Variants in CEP85L observed in about 807,000 individuals in gnomAD.
CEP85L encodes the protein centrosomal protein 85L, also known as centrosomal protein of 85 kDa-like.
Under a neutral mutation model 100.3 loss-of-function variants are expected in CEP85L, and 60 were observed. The ratio of observed to expected loss-of-function variants is 0.60; its 90% CI spans 0.49 to 0.74. CEP85L has a LOEUF of 0.74. Among genes scored for constraint, CEP85L ranks in the 30% least tolerant of loss-of-function variants. The probability of loss-of-function intolerance (pLI) is 0.00; values close to 1 mark genes in which losing one functional copy is unlikely to be tolerated. For missense variants in CEP85L, 973 were observed against 936.2 expected, an observed-to-expected ratio of 1.04 and a Z score of -0.51; for synonymous variants, 319 against 322.7, an observed-to-expected ratio of 0.99 and a Z score of 0.12.
At chr6:118,707,790 A>G (rs1278043454) in intron 1 of CEP85L, among the ~76,000 whole-genome samples, 1 of 152,206 alleles carries the variant, frequency 6.6e-6, no homozygotes, top group Non-Finnish European at 1.5e-5. Context: ...GTAAAACCTT[A>G]ATTCACGGAA....
intron 2 of CEP85L, among the ~76,000 whole-genome samples, chr6:118,592,716 C>T (rs1254924813): frequency 6.6e-6 from 1 of 152,070 alleles, no homozygotes; most frequent in Middle Eastern, 3.4e-3. Flanking sequence ...TTTATGCAAA[C>T]CTCTTATCAT....
intron 1 of CEP85L, among the ~76,000 whole-genome samples, chr6:118,663,568 T>A (rs60500545): frequency 0.029 from 4,425 of 152,266 alleles, 105 homozygotes; most frequent in African/African-American, 0.056. Flanking sequence ...AGAAACAGCC[T>A]AAAGTAATGA....
intron 6 of CEP85L, among the ~76,000 whole-genome samples, chr6:118,488,132 A>G (rs1774312494): frequency 6.6e-6 from 1 of 152,282 alleles, no homozygotes; most frequent in East Asian, 1.9e-4. Flanking sequence ...GCTATTTTAT[A>G]TAATATACAA....
intron 5 of CEP85L, among the ~76,000 whole-genome samples, chr6:118,510,639 C>T (rs1239907230): frequency 6.6e-6 from 1 of 152,108 alleles, no homozygotes; most frequent in Admixed American, 6.5e-5. Flanking sequence ...TTATACACTG[C>T]TCTCCTAAAG....
rs138480950 is a variant in CEP85L, at chr6:118,544,168, A to C, written c.1021-20248T>G. Among the ~76,000 whole-genome samples the C allele has an allele frequency of 6.8e-3, 1,040 of 152,338 alleles. 8 individuals are homozygous for C. The highest frequency in any genetic ancestry group is 0.01 in the Non-Finnish European group (695 of 68,030). ...GTCTGGAGAAATACTACAATCATTA[A>C]ATTGAAATAGAACCTTCTTAACAAT... is the stretch of plus-strand genomic sequence containing the variant. On this transcript the variant is annotated intron_variant, in intron 3 of 12. Coordinates refer to ENST00000368491, the MANE Select transcript of CEP85L (RefSeq NM_001042475.3).
At chr6:118,709,556 T>TGTGTGTGTGTGAGAGA (rs751698371) in intron 1 of CEP85L, among the ~76,000 whole-genome samples, 5 of 142,322 alleles carry the variant, frequency 3.5e-5, no homozygotes, top group African/African-American at 1.1e-4. Context: ...TGTGTGTGTG[T>TGTGTGTGTGTGAGAGA]GAGAGAGAGA....
In CEP85L at chr6:118,565,594, T is replaced by A. The variant is rs1177860955; in HGVS notation, c.955A>T (p.Ser319Cys). ...TGCTGCTGTTGCCAAGGAGCTAAAC[T>A]GTAAGAATCCTCTGTATTTCTACCT... ...LEGRNTEDSYSLAPWQQQQIE... is the reference protein window; with the variant it reads ...LEGRNTEDSYCLAPWQQQQIE... The change falls in exon 3 of 13, where the codon AGT becomes TGT. Residue 319 changes from serine to cysteine, a missense_variant. By Grantham distance (112) the Ser-to-Cys change is moderately radical. Coordinates refer to ENST00000368491, the MANE Select transcript of CEP85L (RefSeq NM_001042475.3). 6.2e-7 allele frequency: 1 copy of A among 1,614,194 alleles called. No homozygotes were observed.
intron 2 of CEP85L, among the ~76,000 whole-genome samples, chr6:118,592,047 T>C (rs1242448152): frequency 3.9e-5 from 6 of 152,188 alleles, no homozygotes; most frequent in Admixed American, 2.6e-4. Context: ...CCTGCTACCA[T>C]CTATAAATAA....
intron 1 of CEP85L, among the ~76,000 whole-genome samples, chr6:118,633,110 T>C (rs905428343): frequency 3.9e-5 from 6 of 152,238 alleles, no homozygotes; most frequent in African/African-American, 1.4e-4. Context: ...TCACTTAAAA[T>C]TTTTAAATTT....
intron 2 of CEP85L, among the ~76,000 whole-genome samples, chr6:118,574,974 T>TG (rs778561796): frequency 4.0e-5 from 6 of 150,856 alleles, no homozygotes; most frequent in Non-Finnish European, 5.9e-5. Context: ...TCCAGTTGGT[T>TG]GGGGGGCGGG....
intron 2 of CEP85L, among the ~76,000 whole-genome samples, chr6:118,618,468 A>G (rs1773218129): frequency 6.6e-6 from 1 of 152,148 alleles, no homozygotes; most frequent in Non-Finnish European, 1.5e-5. Flanking sequence ...TGTAATTTTC[A>G]TGTGGATGGT....
At chr6:118,588,341 G>A (rs1780984419) in intron 2 of CEP85L, among the ~76,000 whole-genome samples, 1 of 152,130 alleles carries the variant, frequency 6.6e-6, no homozygotes, top group African/African-American at 2.4e-5. Flanking sequence ...ATGCAATGAG[G>A]ATGGAAGGCA....
upstream of CEP85L, among the ~76,000 whole-genome samples, chr6:118,654,820 A>G (rs745523131): frequency 6.6e-6 from 1 of 152,242 alleles, no homozygotes; most frequent in South Asian, 2.1e-4. Context: ...TCTTTGTAAA[A>G]TAGTTAGAAC....
chr6:118,473,397 A>G (rs1439582020), intron 10 of CEP85L, among the ~76,000 whole-genome samples: 1 of 152,188 alleles, frequency 6.6e-6, no homozygotes, highest in African/African-American at 2.4e-5. Context: ...CAGAGTTCCT[A>G]TCAGTACAAA....
chr6:118,601,476 T>C (rs756811582), intron 2 of CEP85L, among the ~76,000 whole-genome samples: 1 of 152,238 alleles, frequency 6.6e-6, no homozygotes, highest in Admixed American at 6.5e-5. Context: ...CTTTTCCCCA[T>C]GCTTATGTAT....
At chr6:118,665,204 C>A (rs997873452) in intron 1 of CEP85L, among the ~76,000 whole-genome samples, 4 of 152,116 alleles carry the variant, frequency 2.6e-5, no homozygotes, top group Non-Finnish European at 5.9e-5. Context: ...CCACTGCCCC[C>A]ATGTGTACCA....
At chr6:118,652,098 G>C (rs1775604459), upstream of CEP85L, among the ~76,000 whole-genome samples, 1 of 152,272 alleles carries the variant, frequency 6.6e-6, no homozygotes, top group East Asian at 1.9e-4. Flanking sequence ...AATTTAATGG[G>C]GGCGTGGGGG....
At chr6:118,566,741 C>T (rs79108469) in intron 2 of CEP85L, among the ~76,000 whole-genome samples, 4,452 of 152,210 alleles carry the variant, frequency 0.029, 220 homozygotes, top group African/African-American at 0.1. Flanking sequence ...TTCAAAAAGA[C>T]GTCCTCAAAA....
intron 1 of CEP85L, among the ~76,000 whole-genome samples, chr6:118,658,045 T>C (rs1392630259): frequency 6.6e-6 from 1 of 152,166 alleles, no homozygotes; most frequent in African/African-American, 2.4e-5. Flanking sequence ...GAACTGTAAA[T>C]AGAGTTAACA....
Sources: gnomAD v4.1 joint callset for allele counts (sites outside exome capture counted in the v4.1 genomes callset) on GRCh38, gnomAD v4.1.1 for gene constraint, MANE v1.5 for transcripts, NCBI Gene and HGNC (gene_info 2026-07-23, HGNC 2026-07-21) for gene names.